The following DLGAP2 variants were observed in gnomAD, a reference collection of about 807,000 sequenced individuals.
DLGAP2 encodes disks large-associated protein 2.
In DLGAP2, 26 loss-of-function variants were observed where a neutral mutation model predicts 100.3. The ratio of observed to expected loss-of-function variants is 0.26; its 90% CI spans 0.19 to 0.36. The LOEUF (loss-of-function observed/expected upper bound fraction) is 0.36, where lower values mean the gene tolerates loss of function less well. DLGAP2 is among the 10% of genes least tolerant of loss of function. DLGAP2 has a pLI of 1.00. For missense variants in DLGAP2, 1,858 were observed against 1,453.2 expected (o/e 1.28, Z -4.53); for synonymous variants, 886 against 630.1 (o/e 1.41, Z -6.08).
chr8:983,677 C>G (rs1309554354), intron 2 of DLGAP2, among the ~76,000 whole-genome samples: 1 of 152,132 alleles, frequency 6.6e-6, no homozygotes, highest in Non-Finnish European at 1.5e-5. Flanking sequence ...GGACCTTGCT[C>G]TGTTGCCCAG....
intron 3 of DLGAP2, among the ~76,000 whole-genome samples, chr8:1,350,010 C>T (rs1160755507): frequency 6.6e-6 from 1 of 152,120 alleles, no homozygotes; most frequent in Admixed American, 6.5e-5. Context: ...TATAACCTTA[C>T]AACTAATATA....
intron 2 of DLGAP2, among the ~76,000 whole-genome samples, chr8:1,154,460 G>T (rs1410667337): frequency 6.6e-6 from 1 of 152,176 alleles, no homozygotes; most frequent in African/African-American, 2.4e-5. Context: ...CCGTAAATTT[G>T]TGCATATTAA....
intron 3 of DLGAP2, among the ~76,000 whole-genome samples, chr8:1,382,316 G>A (rs1796115884): frequency 6.6e-6 from 1 of 152,248 alleles, no homozygotes; most frequent in Non-Finnish European, 1.5e-5. Flanking sequence ...GGGCTCAGGA[G>A]GAGAAGAGGG....
intron 3 of DLGAP2, among the ~76,000 whole-genome samples, chr8:1,416,792 C>T (rs1388239423): frequency 6.6e-6 from 1 of 152,198 alleles, no homozygotes; most frequent in Non-Finnish European, 1.5e-5. Context: ...GAATGTGGCT[C>T]GCGAGCACCC....
intron 2 of DLGAP2, among the ~76,000 whole-genome samples, chr8:1,194,919 G>A (rs1013015000): frequency 5.9e-5 from 9 of 152,336 alleles, no homozygotes; most frequent in African/African-American, 1.4e-4. Flanking sequence ...CCACCTGGGC[G>A]TTCAGTTGTC....
At chr8:849,097 A>G (rs180856469) in intron 1 of DLGAP2, among the ~76,000 whole-genome samples, 114 of 151,602 alleles carry the variant, frequency 7.5e-4, no homozygotes, top group Middle Eastern at 3.5e-3. Context: ...TGCATGTTCC[A>G]GTATAGGAAT....
intron 2 of DLGAP2, among the ~76,000 whole-genome samples, chr8:1,148,862 A>C (rs949990321): frequency 6.6e-6 from 1 of 152,130 alleles, no homozygotes; most frequent in Non-Finnish European, 1.5e-5. Flanking sequence ...AATTTTGGCA[A>C]ATGTTTTGTG....
chr8:1,026,277 C>T (rs142746566), intron 2 of DLGAP2, among the ~76,000 whole-genome samples: 4 of 152,284 alleles, frequency 2.6e-5, no homozygotes, highest in Admixed American at 6.5e-5. Context: ...TGAGATGGCG[C>T]GCTTGCCCCA....
intron 2 of DLGAP2, among the ~76,000 whole-genome samples, chr8:949,291 G>GC (rs1268254830): frequency 2.0e-5 from 3 of 152,198 alleles, no homozygotes; most frequent in Admixed American, 2.0e-4. Context: ...AGGCACAGGT[G>GC]CGGACCAGGC....
chr8:1,486,213 G>C (rs1233649815), intron 3 of DLGAP2, among the ~76,000 whole-genome samples: 1 of 152,114 alleles, frequency 6.6e-6, no homozygotes, highest in Non-Finnish European at 1.5e-5. Flanking sequence ...TTCATTACTT[G>C]CCCCAGATCA....
chr8:768,248 C>G (rs1168214049), intron 1 of DLGAP2, among the ~76,000 whole-genome samples: 1 of 152,100 alleles, frequency 6.6e-6, no homozygotes, highest in African/African-American at 2.4e-5. Flanking sequence ...TAGCTGAGCC[C>G]TGCCTTTTGT....
intron 2 of DLGAP2, among the ~76,000 whole-genome samples, chr8:926,613 C>G (rs113850117): frequency 2.0e-4 from 31 of 152,324 alleles, no homozygotes; most frequent in African/African-American, 7.0e-4. Flanking sequence ...CACCGGGTGG[C>G]ACAGGGAGCT....
In DLGAP2 at chr8:1,227,162, A is replaced by ATATATATATATATG. The variant is rs1798437031; in HGVS notation, c.74-31677_74-31676insTGTATATATATATA. On this transcript the variant is annotated intron_variant, in intron 2 of 14. Coordinates refer to ENST00000637795, the MANE Select transcript of DLGAP2 (RefSeq NM_001346810.2). ...GGTAAGGAAACTGTGAGATATATAT[A>ATATATATATATATG]TATATATATATAGTATAGATATATA... 1.5e-5 allele frequency among the ~76,000 whole-genome samples: 2 copies of ATATATATATATATG among 137,328 alleles called. 1 individual carries two copies. Among genetic ancestry groups the ATATATATATATATG allele is most frequent in the Non-Finnish European group, 3.1e-5 (2 of 65,192 alleles). 90.1% of individuals were successfully genotyped at this position (137,328 alleles called of 152,430 possible).
At chr8:1,135,887 C>T (rs139316289) in intron 2 of DLGAP2, among the ~76,000 whole-genome samples, 12 of 152,208 alleles carry the variant, frequency 7.9e-5, no homozygotes, top group South Asian at 2.1e-4. Context: ...GAAGGTTGCC[C>T]GTCGTGTAAT....
At chr8:1,597,856 T>C (rs1057246933) in intron 6 of DLGAP2, among the ~76,000 whole-genome samples, 1 of 152,226 alleles carries the variant, frequency 6.6e-6, no homozygotes, top group Non-Finnish European at 1.5e-5. Context: ...TGAATACCTT[T>C]TATTTCTTTC....
At chr8:1,336,006 G>T (rs144106459) in intron 3 of DLGAP2, among the ~76,000 whole-genome samples, 1 of 152,282 alleles carries the variant, frequency 6.6e-6, no homozygotes, top group African/African-American at 2.4e-5. Context: ...CTCCAGGGGG[G>T]AAAACATCAC....
At chr8:973,529 A>G (rs1479450511) in intron 2 of DLGAP2, among the ~76,000 whole-genome samples, 3 of 152,168 alleles carry the variant, frequency 2.0e-5, no homozygotes, top group African/African-American at 7.2e-5. Flanking sequence ...GGCCGGGCAG[A>G]GATGCTCCTC....
At chr8:1,222,826 G>C (rs77185680) in intron 2 of DLGAP2, among the ~76,000 whole-genome samples, 1 of 152,084 alleles carries the variant, frequency 6.6e-6, no homozygotes, top group South Asian at 2.1e-4. Context: ...GCATCCAGGC[G>C]GGGAGCCCAG....
At chr8:1,435,387 G>T (rs1051969757) in intron 3 of DLGAP2, among the ~76,000 whole-genome samples, 1 of 152,154 alleles carries the variant, frequency 6.6e-6, no homozygotes, top group East Asian at 1.9e-4. Context: ...CAAACTGCAG[G>T]TGCAGCGGTG....
Sources: gnomAD v4.1 joint callset for allele counts (sites outside exome capture counted in the v4.1 genomes callset) on GRCh38, gnomAD v4.1.1 for gene constraint, MANE v1.5 for transcripts, NCBI Gene and HGNC (gene_info 2026-07-23, HGNC 2026-07-21) for gene names.